PLCL1: variants seen among roughly 807,000 people sequenced by gnomAD.
PLCL1 encodes phospholipase C like 1 (inactive).
In PLCL1, 41 loss-of-function variants were observed where a neutral mutation model predicts 84.4. That is an observed-to-expected ratio of 0.49 (90% CI 0.38 to 0.63). The LOEUF is 0.63. PLCL1 is among the 30% of genes least tolerant of loss of function. The pLI is 0.00. For synonymous variants in PLCL1, 490 were observed against 488.3 expected (o/e 1.00, Z -0.05); for missense variants, 1,206 against 1,367.8 (o/e 0.88, Z 1.87).
At chr2:197,838,277 A>C (rs1056571457) in intron 1 of PLCL1, among the ~76,000 whole-genome samples, 3 of 152,162 alleles carry the variant, frequency 2.0e-5, no homozygotes, top group African/African-American at 7.2e-5. Flanking sequence ...TGCTTTCCTC[A>C]CTTAGATGGG....
intron 1 of PLCL1, among the ~76,000 whole-genome samples, chr2:198,061,932 A>T (rs903233420): frequency 4.6e-5 from 7 of 152,172 alleles, no homozygotes; most frequent in African/African-American, 1.7e-4. Context: ...AGGTACGTTG[A>T]TTCTTACTTT....
At chr2:198,094,268 A>T (rs572013311) in intron 3 of PLCL1, among the ~76,000 whole-genome samples, 2 of 152,058 alleles carry the variant, frequency 1.3e-5, no homozygotes, top group Non-Finnish European at 2.9e-5. Context: ...TCACCATGTT[A>T]GCCAGGATGG....
At chr2:197,877,655 A>G (rs1687760542) in intron 1 of PLCL1, among the ~76,000 whole-genome samples, 1 of 152,156 alleles carries the variant, frequency 6.6e-6, no homozygotes, top group African/African-American at 2.4e-5. Flanking sequence ...GTTTAAAATG[A>G]TGGTAATTCT....
At chr2:197,929,594 G>T (rs1688895895) in intron 1 of PLCL1, among the ~76,000 whole-genome samples, 1 of 152,152 alleles carries the variant, frequency 6.6e-6, no homozygotes, top group Non-Finnish European at 1.5e-5. Flanking sequence ...AGGTAGAAGG[G>T]ATATGAGTGA....
At chr2:197,916,842 A>G (rs928522435) in intron 1 of PLCL1, among the ~76,000 whole-genome samples, 5 of 152,232 alleles carry the variant, frequency 3.3e-5, no homozygotes, top group Admixed American at 2.0e-4. Flanking sequence ...ACATGATGAC[A>G]AGCATATGGA....
chr2:197,943,004 T>G (rs1245744564), intron 1 of PLCL1, among the ~76,000 whole-genome samples: 1 of 151,946 alleles, frequency 6.6e-6, no homozygotes, highest in Admixed American at 6.6e-5. Flanking sequence ...CCTGGGAGTT[T>G]GAGAACAGCC....
At chr2:198,144,387 C>T (rs1340954006) in intron 5 of PLCL1, among the ~76,000 whole-genome samples, 1 of 152,028 alleles carries the variant, frequency 6.6e-6, no homozygotes, top group Middle Eastern at 3.2e-3. Context: ...TATAGTAGTA[C>T]ATATACATTA....
intron 1 of PLCL1, among the ~76,000 whole-genome samples, chr2:197,893,923 G>A (rs563223252): frequency 4.0e-5 from 6 of 151,830 alleles, no homozygotes; most frequent in African/African-American, 1.4e-4. Context: ...TTGCTCTGCC[G>A]TTTTGCATAT....
chr2:198,144,608 T>C (rs16827921), intron 5 of PLCL1, among the ~76,000 whole-genome samples: 2,344 of 152,256 alleles, frequency 0.015, 50 homozygotes, highest in African/African-American at 0.053. Context: ...ATCTTAGAAC[T>C]GTAAGGAAGG....
At position 198,098,189 on chromosome 2, in the gene PLCL1, C is replaced by CA. The variant is rs1234526683; in HGVS notation, c.2920-3089dup. Among the ~76,000 whole-genome samples the CA allele has an allele frequency of 4.0e-5, 6 of 151,818 alleles. No individual in the cohort carries two copies. In the East Asian group the frequency reaches 7.8e-4, roughly 20 times the overall value. On this transcript the variant is annotated intron_variant, in intron 3 of 5. Transcript: ENST00000428675. ...TTCCAGTGTTCTGAAAAGGAGAGGACAAAAAAAGTCTAGAGTAGATTAGCT... is the reference window on the plus strand; with the variant it reads ...TTCCAGTGTTCTGAAAAGGAGAGGACAAAAAAAAGTCTAGAGTAGATTAGCT...
chr2:197,987,870 T>G lies in PLCL1; in HGVS notation c.241-95888T>G, dbSNP rs114427398. ...TATGTTTCAGTTTTGAAAACATGGGTCACTGTAAACTGAATGAATGAATTT... is the reference window on the plus strand; with the variant it reads ...TATGTTTCAGTTTTGAAAACATGGGGCACTGTAAACTGAATGAATGAATTT... On this transcript the variant is annotated intron_variant, in intron 1 of 5. Transcript: ENST00000428675. Among the ~76,000 whole-genome samples, 931 of 152,300 alleles carry G rather than the reference T, an allele frequency of 6.1e-3. 13 individuals carry two copies. The highest frequency in any genetic ancestry group is 0.021 in the African/African-American group (888 of 41,550).
intron 5 of PLCL1, among the ~76,000 whole-genome samples, chr2:198,121,124 T>C (rs1693857198): frequency 6.6e-6 from 1 of 152,128 alleles, no homozygotes; most frequent in Non-Finnish European, 1.5e-5. Flanking sequence ...TTTTGAGAAA[T>C]GTCTTTTCAG....
intron 1 of PLCL1, among the ~76,000 whole-genome samples, chr2:197,900,077 T>C (rs574672891): frequency 2.0e-5 from 3 of 152,334 alleles, no homozygotes; most frequent in African/African-American, 7.2e-5. Context: ...CTTTTCTTTA[T>C]AGCACTTAAC....
intron 1 of PLCL1, among the ~76,000 whole-genome samples, chr2:198,031,207 CAA>C (rs58115602): frequency 1.1e-4 from 9 of 79,674 alleles, no homozygotes; most frequent in Admixed American, 1.4e-4. Context: ...CTTGTCTCTA[CAA>C]AAAAAAAAAA....
rs1690731776 is a variant in PLCL1, at chr2:197,818,186, T to A, written c.240+12847T>A. Among the ~76,000 whole-genome samples, 3 of 152,224 alleles carry A rather than the reference T, an allele frequency of 2.0e-5. No individual in the cohort carries two copies. The South Asian group carries it at 6.2e-4, about 32-fold the overall frequency. ...AGGGAGAAATGACCTGACAAACAAA[T>A]CATTGTAGAAGTTGGTGTACTAGGA... On this transcript the variant is annotated intron_variant, in intron 1 of 5. Coordinates refer to ENST00000428675, the MANE Select transcript of PLCL1 (RefSeq NM_006226.4).
intron 1 of PLCL1, among the ~76,000 whole-genome samples, chr2:198,079,500 T>C (rs1251272504): frequency 2.6e-5 from 4 of 152,052 alleles, no homozygotes; most frequent in African/African-American, 7.2e-5. Flanking sequence ...TAAGATTAGA[T>C]AGAAATTATC....
rs112873065 is a variant in PLCL1, at chr2:198,027,206, C to A, written c.241-56552C>A. 7.4e-3 allele frequency among the ~76,000 whole-genome samples: 1,119 copies of A among 152,140 alleles called. 18 individuals carry two copies. Among genetic ancestry groups the A allele is most frequent in the African/African-American group, 0.026 (1,079 of 41,496 alleles). ...AAAAAGGAAATCATGTCATTTGCAA[C>A]GACATGGATGAACCTGGAGGCAATT... On this transcript the variant is annotated intron_variant, in intron 1 of 5. Coordinates refer to ENST00000428675, the MANE Select transcript of PLCL1 (RefSeq NM_006226.4).
Position 198,097,922 on chromosome 2 carries a change from C to T in PLCL1, c.2920-3363C>T, listed in dbSNP as rs115360024. ...GGCTTGATTGCTTAAAAACAACATGCCAATCTATTAGCAATGCTTTTATTT... is the reference window on the plus strand; with the variant it reads ...GGCTTGATTGCTTAAAAACAACATGTCAATCTATTAGCAATGCTTTTATTT... On this transcript the variant is annotated intron_variant, in intron 3 of 5. Coordinates refer to ENST00000428675, the MANE Select transcript of PLCL1 (RefSeq NM_006226.4). Among the ~76,000 whole-genome samples the T allele has an allele frequency of 8.4e-3, 1,279 of 152,190 alleles. 18 individuals are homozygous for T. Among genetic ancestry groups the T allele is most frequent in the African/African-American group, 0.03 (1,233 of 41,516 alleles).
At chr2:198,018,961 G>A (rs893606096) in intron 1 of PLCL1, among the ~76,000 whole-genome samples, 1 of 152,206 alleles carries the variant, frequency 6.6e-6, no homozygotes, top group African/African-American at 2.4e-5. Context: ...CAGGGGTCGA[G>A]AGACACCTCA....
Sources: gnomAD v4.1 joint callset for allele counts (sites outside exome capture counted in the v4.1 genomes callset) on GRCh38, gnomAD v4.1.1 for gene constraint, MANE v1.5 for transcripts, NCBI Gene and HGNC (gene_info 2026-07-23, HGNC 2026-07-21) for gene names.